ADGRB3: variants seen among roughly 807,000 people sequenced by gnomAD.
The protein encoded by ADGRB3 is brain-specific angiogenesis inhibitor 3.
ADGRB3 carries 37 observed loss-of-function variants against 193.4 expected under a neutral mutation model. That is an observed-to-expected ratio of 0.19 (90% CI 0.15 to 0.25). ADGRB3 has a LOEUF of 0.25. Ranked by LOEUF, ADGRB3 falls within the 10% of genes least tolerant of loss-of-function variation. The pLI is 1.00. For synonymous variants in ADGRB3, 690 were observed against 644.2 expected (o/e 1.07, Z -1.08); for missense variants, 1,637 against 1,852.9 (o/e 0.88, Z 2.14).
At chr6:68,796,883 G>A (rs980340339) in intron 3 of ADGRB3, among the ~76,000 whole-genome samples, 1 of 152,134 alleles carries the variant, frequency 6.6e-6, no homozygotes, top group African/African-American at 2.4e-5. Context: ...TTGTCTCTGT[G>A]TTGTATATCC....
intron 24 of ADGRB3, among the ~76,000 whole-genome samples, chr6:69,334,953 A>G (rs1024120732): frequency 1.3e-5 from 2 of 152,168 alleles, no homozygotes; most frequent in African/African-American, 4.8e-5. Context: ...AGTATCTAAC[A>G]TATAGCAAGC....
At chr6:68,709,342 A>C (rs1020183302) in intron 3 of ADGRB3, among the ~76,000 whole-genome samples, 1 of 152,200 alleles carries the variant, frequency 6.6e-6, no homozygotes, top group African/African-American at 2.4e-5. Context: ...AATGTGTATT[A>C]AGCTCTATCA....
chr6:68,870,881 A>T (rs888272600), intron 3 of ADGRB3, among the ~76,000 whole-genome samples: 6 of 151,958 alleles, frequency 3.9e-5, no homozygotes, highest in Non-Finnish European at 7.4e-5. Context: ...TTATTAAACC[A>T]CTCTTTAGAA....
intron 3 of ADGRB3, among the ~76,000 whole-genome samples, chr6:68,659,016 G>C (rs972768019): frequency 6.6e-6 from 1 of 151,084 alleles, no homozygotes; most frequent in African/African-American, 2.4e-5. Context: ...CCCTGGCTTA[G>C]AGAATATTTT....
intron 3 of ADGRB3, among the ~76,000 whole-genome samples, chr6:68,746,901 T>G (rs1162798908): frequency 1.3e-5 from 2 of 152,188 alleles, no homozygotes; most frequent in Non-Finnish European, 2.9e-5. Flanking sequence ...TGTATTTGCT[T>G]AGTTATTGGG....
At chr6:69,232,992 G>T in intron 17 of ADGRB3, 1 of 434,116 alleles carries the variant, frequency 2.3e-6, no homozygotes, top group Non-Finnish European at 4.1e-6. Flanking sequence ...TCGTGCTGCC[G>T]CCGCTGCCGC....
rs374179038 is a variant in ADGRB3, at chr6:69,046,004, T to A, written c.2108-2181T>A. On this transcript the variant is annotated intron_variant, in intron 13 of 31. Coordinates refer to ENST00000370598, the MANE Select transcript of ADGRB3 (RefSeq NM_001704.3). Reference sequence around the variant, plus strand: ...TTTCATAAAGTAAGACCCATGCATGTACAACTATATCAATTTATGGATTTA... The same window carrying A: ...TTTCATAAAGTAAGACCCATGCATGAACAACTATATCAATTTATGGATTTA... Among the ~76,000 whole-genome samples the A allele has an allele frequency of 2.6e-5, 4 of 152,264 alleles. No homozygotes were observed. The East Asian group carries it at 5.8e-4, about 22-fold the overall frequency.
chr6:69,261,124 G>C (rs927105875), intron 20 of ADGRB3, among the ~76,000 whole-genome samples: 54 of 152,054 alleles, frequency 3.6e-4, no homozygotes, highest in Admixed American at 3.9e-4. Context: ...ATAGAAAATT[G>C]TCACACACAA....
At chr6:68,831,457 A>T (rs2127383995) in intron 3 of ADGRB3, among the ~76,000 whole-genome samples, 1 of 152,184 alleles carries the variant, frequency 6.6e-6, no homozygotes, top group African/African-American at 2.4e-5. Context: ...AGTTGTATTT[A>T]TCAGATTTCT....
chr6:69,066,704 G>A (rs1423428157), intron 16 of ADGRB3, among the ~76,000 whole-genome samples: 1 of 151,996 alleles, frequency 6.6e-6, no homozygotes, highest in Non-Finnish European at 1.5e-5. Flanking sequence ...ATGGTCTTTA[G>A]TGCTTAAGCA....
At chr6:68,808,029 A>C (rs184070027) in intron 3 of ADGRB3, among the ~76,000 whole-genome samples, 2 of 152,344 alleles carry the variant, frequency 1.3e-5, no homozygotes, top group East Asian at 1.9e-4. Context: ...AAGGACTAAA[A>C]TATTTGTAAA....
At chr6:69,217,285 C>A (rs568449785) in intron 17 of ADGRB3, among the ~76,000 whole-genome samples, 2 of 152,026 alleles carry the variant, frequency 1.3e-5, no homozygotes, top group African/African-American at 4.8e-5. Flanking sequence ...GCAGAGAGTT[C>A]TTATCAGTAC....
In ADGRB3 at chr6:69,018,325, T is replaced by C. The variant is rs1222352346; in HGVS notation, c.1999-66T>C. 1.6e-5 allele frequency: 16 copies of C among 976,498 alleles called. No individual in the cohort carries two copies. In the Admixed American group the frequency reaches 2.7e-4, roughly 16 times the overall value. 60.5% of individuals were successfully genotyped at this position (976,498 alleles called of 1,614,324 possible). A position where few individuals can be genotyped will look rare whatever the true frequency, so the allele number is the denominator to read the frequency against. On this transcript the variant is annotated intron_variant, in intron 12 of 31. Coordinates refer to ENST00000370598, the MANE Select transcript of ADGRB3 (RefSeq NM_001704.3). Reference sequence around the variant, plus strand: ...TGTGATTTCATGTAGTTTAAAAAAATTCAGTTATATATGCCATTGTATGTA... The same window carrying C: ...TGTGATTTCATGTAGTTTAAAAAAACTCAGTTATATATGCCATTGTATGTA...
At chr6:68,969,177 G>T (rs1218600457) in intron 8 of ADGRB3, among the ~76,000 whole-genome samples, 1 of 152,048 alleles carries the variant, frequency 6.6e-6, no homozygotes. Context: ...GAGGTTCACA[G>T]ATATAACCAA....
At chr6:68,839,033 C>T (rs1768097921) in intron 3 of ADGRB3, among the ~76,000 whole-genome samples, 1 of 151,872 alleles carries the variant, frequency 6.6e-6, no homozygotes, top group Middle Eastern at 3.4e-3. Flanking sequence ...TGCCCTCTCT[C>T]TATCTCTCTT....
intron 3 of ADGRB3, among the ~76,000 whole-genome samples, chr6:68,707,234 T>C (rs942999095): frequency 6.6e-6 from 1 of 152,188 alleles, no homozygotes; most frequent in Non-Finnish European, 1.5e-5. Context: ...ACTGATTGTC[T>C]AATGGATTAT....
chr6:69,108,839 T>TG (rs1166262898), intron 17 of ADGRB3, among the ~76,000 whole-genome samples: 1 of 152,176 alleles, frequency 6.6e-6, no homozygotes. Context: ...CAATGGGATG[T>TG]GAAATGTATT....
chr6:68,930,568 T>A lies in ADGRB3; in HGVS notation c.767T>A (p.Met256Lys), dbSNP rs749921139. 1 of 1,608,874 alleles carries A rather than the reference T, an allele frequency of 6.2e-7. No individual in the cohort carries two copies. The highest frequency in any genetic ancestry group is 1.3e-5 in the African/African-American group (1 of 74,704). ...AKRPPKEEFG[M>K]MGDHTIKSQR... ...TTTATTCTGTCTTTAGAATTTGGAA[T>A]GATGGGAGATCATACAATTAAAAGT... The change falls in exon 4 of 32, where the codon ATG becomes AAG. Residue 256 changes from methionine to lysine, a missense_variant. Transcript: ENST00000370598.
At chr6:68,856,243 T>C (rs2127392827) in intron 3 of ADGRB3, among the ~76,000 whole-genome samples, 1 of 152,194 alleles carries the variant, frequency 6.6e-6, no homozygotes, top group East Asian at 1.9e-4. Flanking sequence ...ATACAGTAAA[T>C]TGGTACCAGT....
Sources: allele counts gnomAD v4.1 joint callset (sites outside exome capture counted in the v4.1 genomes callset), GRCh38; gene constraint gnomAD v4.1.1; transcripts MANE v1.5; gene names NCBI Gene and HGNC (gene_info 2026-07-23, HGNC 2026-07-21).